Variants in MYO5B observed in about 807,000 individuals in gnomAD.
MYO5B encodes the protein myosin VB.
Under a neutral mutation model 229.3 loss-of-function variants are expected in MYO5B, and 143 were observed. That is an observed-to-expected ratio of 0.62 (90% CI 0.54 to 0.72). The LOEUF (loss-of-function observed/expected upper bound fraction) is 0.72, where lower values mean the gene tolerates loss of function less well. MYO5B is among the 30% of genes least tolerant of loss of function. The pLI, the probability that MYO5B is intolerant of heterozygous loss-of-function variation, is 0.00. For missense variants in MYO5B, 2,321 were observed against 2,331.0 expected, an observed-to-expected ratio of 1.00 and a Z score of 0.09; for synonymous variants, 918 against 885.2, an observed-to-expected ratio of 1.04 and a Z score of -0.66.
At chr18:50,104,952 T>C (rs2031727719) in intron 1 of MYO5B, among the ~76,000 whole-genome samples, 1 of 150,936 alleles carries the variant, frequency 6.6e-6, no homozygotes, top group African/African-American at 2.4e-5. Context: ...GATGGAAAAA[T>C]TGGGATGGAG....
At chr18:49,851,791 T>C (rs2024203626) in intron 31 of MYO5B, among the ~76,000 whole-genome samples, 2 of 152,212 alleles carry the variant, frequency 1.3e-5, no homozygotes. Flanking sequence ...ATACACTGTC[T>C]CCTCTCTGCC....
At chr18:50,000,252 G>C (rs1022492611) in intron 5 of MYO5B, among the ~76,000 whole-genome samples, 2 of 152,186 alleles carry the variant, frequency 1.3e-5, no homozygotes, top group African/African-American at 4.8e-5. Flanking sequence ...TGCCTTAGTC[G>C]ATGGGGCTCA....
At chr18:49,833,256 C>T (rs2023944269) in intron 39 of MYO5B, among the ~76,000 whole-genome samples, 1 of 152,160 alleles carries the variant, frequency 6.6e-6, no homozygotes, top group African/African-American at 2.4e-5. Flanking sequence ...AGTTTAACAA[C>T]TTCAAATTTA....
At chr18:50,018,854 G>A (rs1375238642) in intron 4 of MYO5B, among the ~76,000 whole-genome samples, 1 of 152,158 alleles carries the variant, frequency 6.6e-6, no homozygotes, top group Non-Finnish European at 1.5e-5. Flanking sequence ...GCATTTTTAA[G>A]AATCACAAGA....
chr18:49,954,287 C>T (rs1401083262), intron 13 of MYO5B, 26 bp downstream of exon 13: 3 of 1,613,274 alleles, frequency 1.9e-6, no homozygotes, highest in East Asian at 4.5e-5. Context: ...CAAGGGAATA[C>T]CCGAGCCAAC....
At chr18:49,879,826 G>C (rs2024567115) in intron 23 of MYO5B, among the ~76,000 whole-genome samples, 1 of 152,206 alleles carries the variant, frequency 6.6e-6, no homozygotes, top group African/African-American at 2.4e-5. Flanking sequence ...GAGAGAGGCT[G>C]ACCTGGGATC....
intron 1 of MYO5B, among the ~76,000 whole-genome samples, chr18:50,086,234 T>G (rs1330981506): frequency 6.6e-6 from 1 of 152,136 alleles, no homozygotes; most frequent in Admixed American, 6.5e-5. Context: ...GAGAGTTCCT[T>G]CCCTCTTCCG....
chr18:50,153,988 G>A (rs1422211962), intron 1 of MYO5B, among the ~76,000 whole-genome samples: 2 of 152,140 alleles, frequency 1.3e-5, no homozygotes, highest in African/African-American at 2.4e-5. Context: ...TGAAGCTGAA[G>A]ACACTGATCT....
At chr18:50,182,078 T>C (rs947657777) in intron 1 of MYO5B, among the ~76,000 whole-genome samples, 1 of 152,222 alleles carries the variant, frequency 6.6e-6, no homozygotes, top group Non-Finnish European at 1.5e-5. Flanking sequence ...TCTCCCAGCC[T>C]CATGTGCTGG....
chr18:49,865,592 C>G (rs940763296), intron 27 of MYO5B, among the ~76,000 whole-genome samples: 4 of 152,140 alleles, frequency 2.6e-5, no homozygotes, highest in Non-Finnish European at 4.4e-5. Flanking sequence ...CCTGGGTCCC[C>G]TCCTGGCTCA....
chr18:49,827,346 G>T (rs2023859584), intron 39 of MYO5B, among the ~76,000 whole-genome samples: 1 of 152,206 alleles, frequency 6.6e-6, no homozygotes, highest in South Asian at 2.1e-4. Context: ...GTGGGACCTT[G>T]TCCTCCAAAA....
intron 1 of MYO5B, among the ~76,000 whole-genome samples, chr18:50,163,458 C>G (rs2032799844): frequency 6.6e-6 from 1 of 152,186 alleles, no homozygotes; most frequent in Non-Finnish European, 1.5e-5. Flanking sequence ...TTCTACCTGT[C>G]ACGTTAAGGA....
chr18:49,875,809 C>T lies in MYO5B; in HGVS notation c.3415G>A (p.Ala1139Thr). 1 of 1,614,084 alleles carries T rather than the reference C, an allele frequency of 6.2e-7. No homozygotes were observed. Among genetic ancestry groups the T allele is most frequent in the Non-Finnish European group, 8.5e-7 (1 of 1,180,006 alleles). The stretch of plus-strand genomic sequence containing the variant: ...AGGAAGACCGTCATGTCCATGGCTG[C>T]CTTCTCCAGGCCAATTTCCTTCAAA... The part of the protein sequence containing the change: ...QQVEEIGLEK[A>T]AMDMTVFLKL... The change falls in exon 26 of 40, where the codon GCA becomes ACA. Residue 1139 changes from alanine (A) to threonine (T), a missense_variant. Coordinates refer to ENST00000285039, the MANE Select transcript of MYO5B (RefSeq NM_001080467.3).
intron 22 of MYO5B, among the ~76,000 whole-genome samples, chr18:49,885,196 C>G (rs953080698): frequency 6.6e-6 from 1 of 152,202 alleles, no homozygotes; most frequent in Non-Finnish European, 1.5e-5. Flanking sequence ...ACACAAAGAA[C>G]AACCTCACCC....
chr18:50,092,156 C>G (rs543240069), intron 1 of MYO5B, among the ~76,000 whole-genome samples: 1 of 152,098 alleles, frequency 6.6e-6, no homozygotes, highest in Admixed American at 6.6e-5. Context: ...AAAGAAGAAT[C>G]CAAATGAATA....
intron 10 of MYO5B, among the ~76,000 whole-genome samples, chr18:49,966,277 CT>C (rs1253641506): frequency 6.6e-6 from 1 of 152,200 alleles, no homozygotes; most frequent in Non-Finnish European, 1.5e-5. Flanking sequence ...AAAGCACAGC[CT>C]TTGGCCATGC....
chr18:49,826,098 A>G lies in MYO5B; in HGVS notation c.*373T>C. On this transcript the variant is annotated 3_prime_UTR_variant, in exon 40 of 40. Coordinates refer to ENST00000285039, the MANE Select transcript of MYO5B (RefSeq NM_001080467.3). ...TTTGAAGGCAATTTATGTGACTTAT[A>G]TATATTTGGTATTTTAATTTGGACA... 3.6e-6 allele frequency: 1 copy of G among 274,180 alleles called. No individual in the cohort carries two copies. Among genetic ancestry groups the G allele is most frequent in the East Asian group, 9.1e-5 (1 of 10,980 alleles). The allele number at this position is 274,180 out of a possible 1,614,324, so 17.0% of individuals were successfully genotyped here. A position where few individuals can be genotyped will look rare whatever the true frequency, so the allele number is the denominator to read the frequency against.
chr18:49,936,279 T>G lies in MYO5B; in HGVS notation c.1976A>C (p.Lys659Thr), dbSNP rs757737747. Residue 659 changes from lysine to threonine, a missense_variant, in exon 16 of 40, where the codon AAG (lysine) becomes ACG (threonine). By Grantham distance (78) the Lys-to-Thr change is moderately conservative (BLOSUM62 -1). Around this residue, in one of 2 missense-constraint regions of MYO5B, gnomAD observed 2,113 missense variants for 2,044.7 expected, o/e 1.03. Transcript: ENST00000285039. The stretch of plus-strand genomic sequence containing the variant: ...AAAGGGGAGCTTCTCATCGTTGGGC[T>G]TGATGCAGCGGACATAGTGAGGTGT... ...ATTPHYVRCI[K>T]PNDEKLPFHF... 1.2e-6 allele frequency: 2 copies of G among 1,603,030 alleles called. No individual in the cohort carries two copies. The highest frequency in any genetic ancestry group is 2.3e-5 in the South Asian group (2 of 88,864).
At chr18:49,893,519 G>A (rs1024079144) in intron 22 of MYO5B, among the ~76,000 whole-genome samples, 1 of 152,236 alleles carries the variant, frequency 6.6e-6, no homozygotes, top group Admixed American at 6.5e-5. Context: ...TTCTCCCAAA[G>A]AATGAATCCA....
Sources: gnomAD v4.1 joint callset for allele counts (sites outside exome capture counted in the v4.1 genomes callset) on GRCh38, gnomAD v4.1.1 for gene constraint, gnomAD v4.1.1 regional missense constraint, MANE v1.5 for transcripts, NCBI Gene and HGNC (gene_info 2026-07-23, HGNC 2026-07-21) for gene names.